The following DDX60L variants were observed in gnomAD, a reference collection of about 807,000 sequenced individuals.
DDX60L encodes the protein DExD/H-box 60 like.
A neutral mutation model predicts 211.6 loss-of-function variants in DDX60L; 191 were observed. That is an observed-to-expected ratio of 0.90 (90% CI 0.80 to 1.02). The LOEUF is 1.02. Among genes scored for constraint, DDX60L ranks in the 50% least tolerant of loss-of-function variants. The pLI is 0.00. For synonymous variants in DDX60L, 706 were observed against 694.1 expected, an observed-to-expected ratio of 1.02 and a Z score of -0.27; for missense variants, 2,007 against 1,984.1, an observed-to-expected ratio of 1.01 and a Z score of -0.22.
At position 168,447,045 on chromosome 4, in the gene DDX60L, C is replaced by T. The variant is rs1359864758; in HGVS notation, c.1138+1593G>A. 3.5e-4 allele frequency among the ~76,000 whole-genome samples: 43 copies of T among 124,274 alleles called. No homozygotes were observed. In the South Asian group the frequency reaches 5.4e-3, roughly 16 times the overall value. The allele number at this position is 124,274 out of a possible 152,430, so 81.5% of individuals were successfully genotyped here. A position where few individuals can be genotyped will look rare whatever the true frequency, so the allele number is the denominator to read the frequency against. ...AATTGGCAAATGGGATCTAATTAAA[C>T]TAAAGAGCTTCTGCACAGCAAAAGA... is the stretch of plus-strand genomic sequence containing the variant. On this transcript the variant is annotated intron_variant, in intron 9 of 37. Transcript: ENST00000682922.
chr4:168,379,013 C>T (rs1020973383), intron 32 of DDX60L, among the ~76,000 whole-genome samples: 1 of 152,192 alleles, frequency 6.6e-6, no homozygotes, highest in Non-Finnish European at 1.5e-5. Context: ...GAGCACCATA[C>T]TGTGGGCATT....
At position 168,419,342 on chromosome 4, in the gene DDX60L, T is replaced by C; in HGVS notation, c.2570A>G (p.Gln857Arg). 6.3e-7 allele frequency: 1 copy of C among 1,599,840 alleles called. No homozygotes were observed. The highest frequency in any genetic ancestry group is 8.5e-7 in the Non-Finnish European group (1 of 1,172,138). ...ATATCTGATCCTTTCCACCCATTTTTGGCGATGAGGAGCAAGCAACAGGAT... is the reference window on the plus strand; with the variant it reads ...ATATCTGATCCTTTCCACCCATTTTCGGCGATGAGGAGCAAGCAACAGGAT... ...FEILLLAPHRQKWVERIRYVI... is the reference protein window; with the variant it reads ...FEILLLAPHRRKWVERIRYVI... Residue 857 changes from glutamine (Q) to arginine (R), a missense_variant, in exon 19 of 38, where the codon CAA becomes CGA. Transcript: ENST00000682922.
At chr4:168,398,911 C>T (rs1324952109) in intron 26 of DDX60L, among the ~76,000 whole-genome samples, 3 of 151,660 alleles carry the variant, frequency 2.0e-5, no homozygotes, top group African/African-American at 7.3e-5. Flanking sequence ...AGGGTCTTCT[C>T]TCCACTGAGA....
chr4:168,464,227 G>A (rs1282670575), intron 4 of DDX60L, among the ~76,000 whole-genome samples: 1 of 151,976 alleles, frequency 6.6e-6, no homozygotes, highest in African/African-American at 2.4e-5. Flanking sequence ...TTATTTCCAA[G>A]AACACATGGT....
Position 168,427,097 on chromosome 4 carries a change from C to G in DDX60L, c.1903G>C (p.Ala635Pro), listed in dbSNP as rs1358890989. ...EMLGLIACFK[A>P]WKKHCRGEGK... is the part of the protein sequence containing the mutation. ...TCACCTCGGCAATGTTTTTTCCATGCTTTAAAGCAGGCAATTAATCCTAAC... is the reference window on the plus strand; with the variant it reads ...TCACCTCGGCAATGTTTTTTCCATGGTTTAAAGCAGGCAATTAATCCTAAC... The change falls in exon 14 of 38, where the codon GCA becomes CCA. Residue 635 changes from alanine (A) to proline (P), a missense_variant. Physicochemically the swap from Ala to Pro is conservative, Grantham distance 27 (BLOSUM62 -1). Coordinates refer to ENST00000682922, the MANE Select transcript of DDX60L (RefSeq NM_001012967.3). 6.2e-7 allele frequency: 1 copy of G among 1,605,454 alleles called. No individual in the cohort carries two copies. The highest frequency in any genetic ancestry group is 1.7e-5 in the Admixed American group (1 of 58,796).
rs1747959931 is a variant in DDX60L, at chr4:168,407,520, G to A, written c.2980-814C>T. 2.6e-5 allele frequency among the ~76,000 whole-genome samples: 4 copies of A among 152,110 alleles called. No homozygotes were observed. The South Asian group carries it at 8.3e-4, about 32-fold the overall frequency. The stretch of plus-strand genomic sequence containing the variant: ...TAACACCAAGAAAAAAATTAAAGAT[G>A]AGTAACTATGGGAAAGGCCCTATTA... On this transcript the variant is annotated intron_variant, in intron 22 of 37. Transcript: ENST00000682922.
intron 29 of DDX60L, chr4:168,390,535 A>C: frequency 7.1e-7 from 1 of 1,398,932 alleles, no homozygotes; most frequent in South Asian, 1.6e-5. Context: ...CATGATCTAA[A>C]TTTGAATAAG....
At chr4:168,452,561 C>A (rs59097422) in intron 8 of DDX60L, among the ~76,000 whole-genome samples, 10,618 of 151,816 alleles carry the variant, frequency 0.07, 1,212 homozygotes, top group African/African-American at 0.24. Flanking sequence ...TATGTACTCA[C>A]AAAAATTAAA....
intron 5 of DDX60L, among the ~76,000 whole-genome samples, 154 bp from the exon 6 acceptor site, chr4:168,458,162 T>A (rs1756847408): frequency 6.6e-6 from 1 of 152,178 alleles, no homozygotes; most frequent in African/African-American, 2.4e-5. Context: ...CAACATATGC[T>A]GGCGAGTTTG....
In DDX60L at chr4:168,433,053, C is replaced by T. The variant is rs780551130; in HGVS notation, c.1357G>A (p.Glu453Lys). 1.9e-6 allele frequency: 3 copies of T among 1,609,890 alleles called. No individual in the cohort carries two copies. The highest frequency in any genetic ancestry group is 1.7e-4 in the Middle Eastern group (1 of 6,044). ...FIPMTSAVID[E>K]FVGDMMKDLP... ...TCCTTCATCATATCTCCAACAAACT[C>T]ATCAATTACAGCAGATGTCATTGGA... Residue 453 changes from glutamate (E) to lysine (K), a missense_variant, in exon 11 of 38, where the codon GAG (glutamate) becomes AAG (lysine). Physicochemically the swap from Glu to Lys is moderately conservative, Grantham distance 56. Transcript: ENST00000682922.
intron 4 of DDX60L, among the ~76,000 whole-genome samples, chr4:168,462,610 C>T (rs1001943183): frequency 1.3e-5 from 2 of 152,060 alleles, no homozygotes; most frequent in African/African-American, 2.4e-5. Flanking sequence ...GTCAGGAGGA[C>T]GAGACCAGTC....
chr4:168,364,527 T>C (rs1334217581), intron 36 of DDX60L, among the ~76,000 whole-genome samples: 1 of 152,164 alleles, frequency 6.6e-6, no homozygotes, highest in Non-Finnish European at 1.5e-5. Context: ...AGAATTAAAC[T>C]GCACCATAGA....
At chr4:168,401,147 G>A (rs746617205) in intron 25 of DDX60L, among the ~76,000 whole-genome samples, 169 bp from the exon 26 acceptor site, 3 of 152,144 alleles carry the variant, frequency 2.0e-5, no homozygotes, top group Non-Finnish European at 4.4e-5. Flanking sequence ...GGAAGTAGGG[G>A]TTCAACATAC....
intron 36 of DDX60L, among the ~76,000 whole-genome samples, chr4:168,369,442 C>T (rs373732600): frequency 6.0e-5 from 9 of 149,410 alleles, no homozygotes; most frequent in African/African-American, 1.5e-4. Context: ...ATGTCTTTAT[C>T]GGCAGTGTGA....
chr4:168,477,242 T>C (rs185180473), intron 1 of DDX60L, among the ~76,000 whole-genome samples: 1,965 of 152,034 alleles, frequency 0.013, 36 homozygotes, highest in African/African-American at 0.035. Context: ...GGTGAAACCC[T>C]GTCTCTACTA....
chr4:168,400,423 G>A (rs766258431), intron 26 of DDX60L, among the ~76,000 whole-genome samples: 28 of 152,096 alleles, frequency 1.8e-4, no homozygotes, highest in Admixed American at 5.2e-4. Context: ...CTGTCTTTTG[G>A]TCTTTGAGGA....
chr4:168,454,760 T>TTTG (rs1756289786), intron 7 of DDX60L, among the ~76,000 whole-genome samples: 1 of 103,560 alleles, frequency 9.7e-6, no homozygotes, highest in Non-Finnish European at 2.4e-5. Context: ...ACAGCTTCCT[T>TTTG]TTTTTTTTTT....
intron 26 of DDX60L, among the ~76,000 whole-genome samples, chr4:168,400,492 A>C (rs1190322286): frequency 6.6e-6 from 1 of 152,160 alleles, no homozygotes; most frequent in Admixed American, 6.5e-5. Context: ...AATAGTGAAT[A>C]AGCGTTCTAC....
chr4:168,367,860 T>C (rs1284922606), intron 36 of DDX60L, among the ~76,000 whole-genome samples: 1 of 152,100 alleles, frequency 6.6e-6, no homozygotes, highest in Non-Finnish European at 1.5e-5. Flanking sequence ...CCCTAGAGAT[T>C]TATGGAACTT....
Sources: gnomAD v4.1 joint callset for allele counts (sites outside exome capture counted in the v4.1 genomes callset) on GRCh38, gnomAD v4.1.1 for gene constraint, MANE v1.5 for transcripts, NCBI Gene and HGNC (gene_info 2026-07-23, HGNC 2026-07-21) for gene names.